DAB1: variants seen among roughly 807,000 people sequenced by gnomAD.
DAB1 encodes the protein disabled homolog 1.
A neutral mutation model predicts 64.6 loss-of-function variants in DAB1; 15 were observed. That is an observed-to-expected ratio of 0.23 (90% CI 0.16 to 0.36). The LOEUF (loss-of-function observed/expected upper bound fraction) is 0.36. DAB1 is among the 10% of genes least tolerant of loss of function. The pLI, the probability that DAB1 is intolerant of heterozygous loss-of-function variation, is 1.00. For missense variants in DAB1, 596 were observed against 706.7 expected (o/e 0.84, Z 1.78); for synonymous variants, 235 against 251.9 (o/e 0.93, Z 0.64).
intron 7 of DAB1, among the ~76,000 whole-genome samples, chr1:57,493,128 G>GTA (rs1259365347): frequency 5.1e-4 from 4 of 7,858 alleles, no homozygotes; most frequent in African/African-American, 6.2e-4. Flanking sequence ...TTGTGTGTAT[G>GTA]TGTGTGTGTG....
At chr1:57,817,310 A>G (rs1651911341) in intron 6 of DAB1, among the ~76,000 whole-genome samples, 3 of 152,322 alleles carry the variant, frequency 2.0e-5, no homozygotes, top group African/African-American at 7.2e-5. Flanking sequence ...TCCTTCCTGG[A>G]CCAACTGCAT....
At chr1:58,110,985 C>T (rs1483947677) in intron 5 of DAB1, among the ~76,000 whole-genome samples, 1 of 152,216 alleles carries the variant, frequency 6.6e-6, no homozygotes, top group African/African-American at 2.4e-5. Context: ...AGCCTGACAC[C>T]TTGGCCAGGG....
At chr1:58,352,682 T>C (rs1005880353) in intron 3 of DAB1, among the ~76,000 whole-genome samples, 1 of 152,208 alleles carries the variant, frequency 6.6e-6, no homozygotes, top group Non-Finnish European at 1.5e-5. Flanking sequence ...TCTACTGCTA[T>C]GGCCTGAATG....
At chr1:58,386,112 G>GTGCAGTAA (rs1025644367) in intron 3 of DAB1, among the ~76,000 whole-genome samples, 1 of 152,194 alleles carries the variant, frequency 6.6e-6, no homozygotes, top group Non-Finnish European at 1.5e-5. Context: ...TCTTTCTCAG[G>GTGCAGTAA]TGCAGTAACA....
chr1:58,149,765 C>T (rs1356030182), intron 5 of DAB1, among the ~76,000 whole-genome samples: 2 of 152,180 alleles, frequency 1.3e-5, no homozygotes, highest in Non-Finnish European at 2.9e-5. Context: ...CTCCCCTATC[C>T]ACCCCACTCA....
At chr1:57,353,758 C>T (rs1053256822) in intron 1 of DAB1, among the ~76,000 whole-genome samples, 5 of 152,232 alleles carry the variant, frequency 3.3e-5, no homozygotes, top group South Asian at 2.1e-4. Flanking sequence ...CTGCTCCTCC[C>T]CCTTCCACAC....
intron 6 of DAB1, among the ~76,000 whole-genome samples, chr1:57,676,599 C>T (rs779976479): frequency 1.2e-4 from 19 of 152,184 alleles, no homozygotes; most frequent in Non-Finnish European, 2.2e-4. Context: ...CACCAGAAAA[C>T]GATAACTATT....
At position 58,083,264 on chromosome 1, in the gene DAB1, A is replaced by G. The variant is rs1650107620; in HGVS notation, n.387+67247T>C. ...CCCTAAGGGACAAACAACAGATTTC[A>G]TTTGTTCAATATGAGACCCTGAGGA... On this transcript the variant is annotated intron_variant and non_coding_transcript_variant, in intron 5 of 20. Transcript: ENST00000485760. 2.0e-5 allele frequency among the ~76,000 whole-genome samples: 3 copies of G among 152,294 alleles called. No individual in the cohort carries two copies. In the South Asian group the frequency reaches 6.2e-4, roughly 32 times the overall value.
intron 1 of DAB1, among the ~76,000 whole-genome samples, chr1:57,364,432 A>C (rs1679801155): frequency 6.6e-6 from 1 of 152,090 alleles, no homozygotes; most frequent in African/African-American, 2.4e-5. Flanking sequence ...CCACATTACC[A>C]TTTACTAGCC....
At chr1:58,472,613 A>C (rs1160730386) in intron 3 of DAB1, among the ~76,000 whole-genome samples, 1 of 152,168 alleles carries the variant, frequency 6.6e-6, no homozygotes, top group Non-Finnish European at 1.5e-5. Context: ...GGGCCTCCCC[A>C]GCTCTGCTGG....
At chr1:58,264,240 C>A (rs1661111580) in intron 4 of DAB1, among the ~76,000 whole-genome samples, 1 of 152,120 alleles carries the variant, frequency 6.6e-6, no homozygotes. Flanking sequence ...TGCAACATAG[C>A]AAACATTTAT....
intron 7 of DAB1, among the ~76,000 whole-genome samples, chr1:57,524,497 C>G (rs1309652061): frequency 6.6e-6 from 1 of 152,160 alleles, no homozygotes; most frequent in African/African-American, 2.4e-5. Context: ...AAAAGAGAGT[C>G]AGCAAAGTGT....
chr1:57,443,962 G>T (rs901489115), intron 7 of DAB1, among the ~76,000 whole-genome samples: 1 of 152,170 alleles, frequency 6.6e-6, no homozygotes, highest in Non-Finnish European at 1.5e-5. Flanking sequence ...GCTCCTCACT[G>T]CACTTGGGTT....
intron 3 of DAB1, among the ~76,000 whole-genome samples, chr1:58,419,207 T>G (rs1644749740): frequency 6.6e-6 from 1 of 152,196 alleles, no homozygotes; most frequent in Admixed American, 6.5e-5. Context: ...ATGAGTTCCT[T>G]GTACTTGGAG....
intron 9 of DAB1, among the ~76,000 whole-genome samples, chr1:57,036,262 C>T (rs1237978168): frequency 1.3e-5 from 2 of 152,178 alleles, no homozygotes; most frequent in Admixed American, 6.5e-5. Flanking sequence ...CTCCTGAACC[C>T]TTCAATCCAT....
chr1:58,027,903 G>A (rs1001203862), intron 5 of DAB1, among the ~76,000 whole-genome samples: 2 of 152,140 alleles, frequency 1.3e-5, no homozygotes, highest in Non-Finnish European at 2.9e-5. Flanking sequence ...ATTCCCCTAT[G>A]TGGAATTCCT....
At chr1:57,305,330 G>A (rs1674044453) in intron 1 of DAB1, among the ~76,000 whole-genome samples, 1 of 152,168 alleles carries the variant, frequency 6.6e-6, no homozygotes, top group South Asian at 2.1e-4. Context: ...GGAGAAAGAA[G>A]CTGAAAAGGG....
At chr1:58,513,654 A>G (rs1226708549) in intron 2 of DAB1, among the ~76,000 whole-genome samples, 1 of 152,228 alleles carries the variant, frequency 6.6e-6, no homozygotes, top group African/African-American at 2.4e-5. Flanking sequence ...AGGTTTTAGA[A>G]TCAGAAATAT....
At position 57,940,338 on chromosome 1, in the gene DAB1, T is replaced by C. The variant is rs531511490; in HGVS notation, n.388-56176A>G. Among the ~76,000 whole-genome samples, 17 of 152,348 alleles carry C rather than the reference T, an allele frequency of 1.1e-4. No individual in the cohort carries two copies. In the South Asian group the frequency reaches 3.1e-3, roughly 28 times the overall value. ...TCAAGGAAGATACAGTTTTTGCTGA[T>C]ATTTGATGCATTCGATTTGTGAGCA... On this transcript the variant is annotated intron_variant and non_coding_transcript_variant, in intron 5 of 20. Transcript: ENST00000485760.
Sources: allele counts gnomAD v4.1 joint callset (sites outside exome capture counted in the v4.1 genomes callset), GRCh38; gene constraint gnomAD v4.1.1; transcripts MANE v1.5; gene names NCBI Gene and HGNC (gene_info 2026-07-23, HGNC 2026-07-21).